Variants in TRIO observed in about 807,000 individuals in gnomAD.
TRIO encodes the protein triple functional domain protein.
Under a neutral mutation model 351.9 loss-of-function variants are expected in TRIO, and 58 were observed. The observed-to-expected ratio is 0.16, with a 90% CI of 0.13 to 0.21. The LOEUF is 0.21. Ranked by LOEUF, TRIO falls within the 10% of genes least tolerant of loss-of-function variation. The pLI, the probability that TRIO is intolerant of heterozygous loss-of-function variation, is 1.00. For synonymous variants in TRIO, 1,758 were observed against 1,595.7 expected, an observed-to-expected ratio of 1.10 and a Z score of -2.42; for missense variants, 3,201 against 4,027.8, an observed-to-expected ratio of 0.79 and a Z score of 5.56.
chr5:14,426,208 C>A (rs946305886), intron 34 of TRIO, among the ~76,000 whole-genome samples: 1 of 145,014 alleles, frequency 6.9e-6, no homozygotes, highest in African/African-American at 2.5e-5. Context: ...CAAGACCTTT[C>A]GTCTCATAGA....
chr5:14,193,714 G>A (rs557078519), intron 1 of TRIO, among the ~76,000 whole-genome samples: 1 of 152,300 alleles, frequency 6.6e-6, no homozygotes, highest in East Asian at 1.9e-4. Context: ...TCAGCTGTCA[G>A]AGAGTATCTC....
At chr5:14,224,702 A>G (rs1252186988) in intron 1 of TRIO, among the ~76,000 whole-genome samples, 8 of 152,234 alleles carry the variant, frequency 5.3e-5, no homozygotes, top group East Asian at 1.9e-4. Flanking sequence ...TTCAGTTGCC[A>G]GAAATGATTG....
chr5:14,436,996 T>A (rs1362403923), intron 34 of TRIO, among the ~76,000 whole-genome samples: 1 of 152,174 alleles, frequency 6.6e-6, no homozygotes, highest in Non-Finnish European at 1.5e-5. Context: ...TAGGCTCCTG[T>A]ATGTGTGTGT....
At position 14,507,932 on chromosome 5, in the gene TRIO, C is replaced by T. The variant is rs1396381285; in HGVS notation, c.8804C>T (p.Ala2935Val). Residue 2935 changes from alanine (A) to valine (V), a missense_variant, in exon 57 of 57, where the codon GCT becomes GTT. By Grantham distance (64) the Ala-to-Val change is moderately conservative. Transcript: ENST00000344204. ...TTAGCCAAGCCAACCATCAAACTGG[C>T]TGACTTTGGAGATGCTGTTCAGCTC... ...ESLAKPTIKL[A>V]DFGDAVQLNT... The T allele has an allele frequency of 1.9e-6, 3 of 1,614,030 alleles. No individual in the cohort carries two copies. In the African/African-American group the frequency reaches 4.0e-5, roughly 22 times the overall value.
At chr5:14,384,046 C>A (rs528307444) in intron 21 of TRIO, among the ~76,000 whole-genome samples, 1 of 152,302 alleles carries the variant, frequency 6.6e-6, no homozygotes, top group South Asian at 2.1e-4. Context: ...GCAGTCATTT[C>A]TCCACGGGTC....
At chr5:14,467,765 A>G (rs1026308623) in intron 37 of TRIO, among the ~76,000 whole-genome samples, 18 of 152,104 alleles carry the variant, frequency 1.2e-4, no homozygotes, top group Non-Finnish European at 2.5e-4. Context: ...GTGAGCTGAG[A>G]TTGTACCACT....
chr5:14,372,425 C>T (rs1389222975), intron 18 of TRIO, among the ~76,000 whole-genome samples: 1 of 152,130 alleles, frequency 6.6e-6, no homozygotes, highest in South Asian at 2.1e-4. Context: ...CAGTTCATCC[C>T]TCTGTACTTC....
At chr5:14,369,076 G>A (rs1220085337) in intron 17 of TRIO, among the ~76,000 whole-genome samples, 177 bp downstream of exon 17, 1 of 152,170 alleles carries the variant, frequency 6.6e-6, no homozygotes, top group Non-Finnish European at 1.5e-5. Flanking sequence ...GATGTCAAAG[G>A]TAATAAGCTA....
intron 9 of TRIO, among the ~76,000 whole-genome samples, chr5:14,318,959 T>C (rs964511496): frequency 1.3e-5 from 2 of 151,952 alleles, no homozygotes; most frequent in African/African-American, 4.8e-5. Flanking sequence ...CTCTTCTTTC[T>C]CTCATCTCAT....
chr5:14,297,319 A>G (rs781430641), intron 7 of TRIO, 56 bp downstream of exon 7: 146 of 1,549,534 alleles, frequency 9.4e-5, no homozygotes, highest in Non-Finnish European at 1.2e-4. Flanking sequence ...TTCTTCCTCC[A>G]TGAATATTGG....
chr5:14,242,965 C>A (rs1244023450), intron 1 of TRIO, among the ~76,000 whole-genome samples: 1 of 152,216 alleles, frequency 6.6e-6, no homozygotes, highest in Non-Finnish European at 1.5e-5. Context: ...GGATACCTTG[C>A]TCGGGCAGAG....
At chr5:14,416,109 TAAATA>T (rs1749619201) in intron 33 of TRIO, among the ~76,000 whole-genome samples, 2 of 150,566 alleles carry the variant, frequency 1.3e-5, no homozygotes, top group Non-Finnish European at 3.0e-5. Context: ...TTAAACTAGA[TAAATA>T]AAATGGTAAC....
chr5:14,472,440 AT>A (rs1383384319), intron 38 of TRIO, 151 bp from the exon 39 acceptor site: 1 of 804,138 alleles, frequency 1.2e-6, no homozygotes. Context: ...CCTGTAAGTG[AT>A]TTGGGACTCT....
chr5:14,211,590 G>GTTTTTT (rs33992664), intron 1 of TRIO, among the ~76,000 whole-genome samples: 57 of 120,000 alleles, frequency 4.7e-4, no homozygotes, highest in African/African-American at 1.5e-3. Context: ...ACACTCAGTT[G>GTTTTTT]TTTTTTTTTT....
At chr5:14,296,421 C>T (rs927398132) in intron 6 of TRIO, among the ~76,000 whole-genome samples, 1 of 152,090 alleles carries the variant, frequency 6.6e-6, no homozygotes, top group Admixed American at 6.6e-5. Context: ...TTTTAAAATC[C>T]CTATTTTTGC....
intron 2 of TRIO, among the ~76,000 whole-genome samples, chr5:14,274,970 A>G (rs545146939): frequency 3.9e-5 from 6 of 152,296 alleles, no homozygotes; most frequent in African/African-American, 1.2e-4. Context: ...TTAGTAGGAA[A>G]CAATACAGGT....
At chr5:14,389,537 C>G (rs1746865284) in intron 25 of TRIO, 139 bp downstream of exon 25, 3 of 582,758 alleles carry the variant, frequency 5.1e-6, no homozygotes, top group Non-Finnish European at 5.8e-6. Context: ...ATCAGTCTTT[C>G]TCCAAAAAGA....
intron 20 of TRIO, among the ~76,000 whole-genome samples, chr5:14,380,416 C>G (rs1745996477): frequency 6.6e-6 from 1 of 152,166 alleles, no homozygotes; most frequent in African/African-American, 2.4e-5. Context: ...CAGCCCCATC[C>G]TGTCGTATCC....
intron 48 of TRIO, chr5:14,492,255 T>C: frequency 2.5e-6 from 1 of 393,836 alleles, no homozygotes; most frequent in South Asian, 3.0e-5. Context: ...GCAGGAGGAC[T>C]AAGATGTTCC....
Sources: gnomAD v4.1 joint callset for allele counts (sites outside exome capture counted in the v4.1 genomes callset) on GRCh38, gnomAD v4.1.1 for gene constraint, MANE v1.5 for transcripts, NCBI Gene and HGNC (gene_info 2026-07-23, HGNC 2026-07-21) for gene names.